The following AMBRA1 variants were observed in gnomAD, a reference collection of about 807,000 sequenced individuals.
AMBRA1 encodes the protein autophagy and beclin 1 regulator 1, also known as activating molecule in BECN1-regulated autophagy protein 1.
In AMBRA1, 47 loss-of-function variants were observed where a neutral mutation model predicts 125.4. That is an observed-to-expected ratio of 0.37 (90% CI 0.30 to 0.48). The LOEUF is 0.48. Ranked by LOEUF, AMBRA1 falls within the 20% of genes least tolerant of loss-of-function variation. The pLI, the probability that AMBRA1 is intolerant of heterozygous loss-of-function variation, is 0.99. For synonymous variants in AMBRA1, 626 were observed against 655.5 expected (o/e 0.95, Z 0.69); for missense variants, 1,331 against 1,693.4 (o/e 0.79, Z 3.76).
chr11:46,525,977 G>A (rs565666786), intron 7 of AMBRA1, among the ~76,000 whole-genome samples: 86 of 151,730 alleles, frequency 5.7e-4, no homozygotes, highest in African/African-American at 1.3e-3. Context: ...AGGTCAAGGC[G>A]GACAGATCAC....
chr11:46,468,642 C>CA (rs1357102453), intron 11 of AMBRA1, among the ~76,000 whole-genome samples: 6 of 149,100 alleles, frequency 4.0e-5, no homozygotes, highest in South Asian at 2.1e-4. Context: ...ACTAAAAATA[C>CA]AAAAAAATAC....
At chr11:46,519,315 T>C (rs1043544614) in intron 7 of AMBRA1, among the ~76,000 whole-genome samples, 15 of 152,166 alleles carry the variant, frequency 9.9e-5, no homozygotes, top group Admixed American at 9.2e-4. Flanking sequence ...TGCGCCACCA[T>C]GCCCGGCCCC....
intron 11 of AMBRA1, among the ~76,000 whole-genome samples, chr11:46,445,563 T>G (rs933250341): frequency 6.6e-6 from 1 of 152,230 alleles, no homozygotes; most frequent in Admixed American, 6.5e-5. Flanking sequence ...AAAGGAACTT[T>G]CTTGATTTTT....
intron 11 of AMBRA1, among the ~76,000 whole-genome samples, chr11:46,454,164 G>A (rs1948740415): frequency 1.3e-5 from 2 of 152,146 alleles, no homozygotes; most frequent in Admixed American, 1.3e-4. Flanking sequence ...AGTGTATGAG[G>A]AAAGGAAAAG....
rs553699137 is a variant in AMBRA1 at position 46,432,435 on chromosome 11, T to C, written c.2976+1039A>G. Among the ~76,000 whole-genome samples the C allele has an allele frequency of 2.0e-5, 3 of 152,250 alleles. No homozygotes were observed. The East Asian group carries it at 5.8e-4, about 29-fold the overall frequency. ...AGTGTAGTTGGACAGAGGATATCTG[T>C]AGGAGACAGGAGGGAGAAGAGGCTG... On this transcript the variant is annotated intron_variant, in intron 14 of 17. Transcript: ENST00000683756.
At chr11:46,483,727 C>A (rs1028088049) in intron 11 of AMBRA1, among the ~76,000 whole-genome samples, 1 of 152,058 alleles carries the variant, frequency 6.6e-6, no homozygotes, top group Non-Finnish European at 1.5e-5. Flanking sequence ...TGGTGAAACC[C>A]CATCTCTACT....
chr11:46,447,518 G>C (rs934910601), intron 11 of AMBRA1, among the ~76,000 whole-genome samples: 2 of 152,096 alleles, frequency 1.3e-5, no homozygotes, highest in Non-Finnish European at 2.9e-5. Flanking sequence ...CTGGGCAACA[G>C]AGCAAGATTC....
rs1945505246 is a variant in AMBRA1, at chr11:46,397,380, T to C, written c.*70A>G. The C allele has an allele frequency of 7.0e-7, 1 of 1,436,992 alleles. No homozygotes were observed. The highest frequency in any genetic ancestry group is 1.4e-5 in the African/African-American group (1 of 70,176). 89.0% of individuals were successfully genotyped at this position (1,436,992 alleles called of 1,614,324 possible). A position where few individuals can be genotyped will look rare whatever the true frequency, so the allele number is the denominator to read the frequency against. ...GCCAGCAGCTCTTCCACATGTCCAG[T>C]TCCCAGTCAGCTGTGAGGTCCGGTT... On this transcript the variant is annotated 3_prime_UTR_variant, in exon 18 of 18. Coordinates refer to ENST00000683756, the MANE Select transcript of AMBRA1 (RefSeq NM_001387011.1).
chr11:46,428,515 G>T, intron 14 of AMBRA1: 3 of 787,128 alleles, frequency 3.8e-6, no homozygotes, highest in Non-Finnish European at 4.1e-6. Context: ...CGCCTGGTGA[G>T]ATTCAAGTTC....
intron 1 of AMBRA1, among the ~76,000 whole-genome samples, chr11:46,581,808 A>C (rs1161585011): frequency 2.7e-5 from 4 of 150,068 alleles, no homozygotes. Context: ...AAAAAAAAAA[A>C]AAAAAAAAAA....
At chr11:46,485,818 TGAA>T (rs1950250478) in intron 11 of AMBRA1, among the ~76,000 whole-genome samples, 1 of 152,216 alleles carries the variant, frequency 6.6e-6, no homozygotes, top group Admixed American at 6.5e-5. Flanking sequence ...TAGAAAAGCC[TGAA>T]GAAGCACAGG....
intron 11 of AMBRA1, among the ~76,000 whole-genome samples, chr11:46,445,369 G>A (rs1948232418): frequency 6.6e-6 from 1 of 152,092 alleles, no homozygotes; most frequent in Non-Finnish European, 1.5e-5. Flanking sequence ...GCATTTGGGG[G>A]TGTGCTGTCA....
chr11:46,470,514 G>C (rs1029977170), intron 11 of AMBRA1, among the ~76,000 whole-genome samples: 7 of 151,188 alleles, frequency 4.6e-5, no homozygotes, highest in African/African-American at 1.7e-4. Flanking sequence ...GCGTGAACCC[G>C]GGAGGCAGAG....
intron 11 of AMBRA1, among the ~76,000 whole-genome samples, chr11:46,479,104 C>G (rs58147945): frequency 0.21 from 32,071 of 151,578 alleles, 4,065 homozygotes; most frequent in African/African-American, 0.36. Flanking sequence ...AGGCTGAGGC[C>G]GGGGAATCAC....
chr11:46,564,339 A>C (rs1006987769), intron 1 of AMBRA1, among the ~76,000 whole-genome samples: 1 of 152,104 alleles, frequency 6.6e-6, no homozygotes, highest in Non-Finnish European at 1.5e-5. Flanking sequence ...ATATTCATTG[A>C]ACATTTGCTA....
At chr11:46,548,222 G>A (rs201203187) in intron 2 of AMBRA1, 24 bp downstream of exon 2, 1 of 1,613,874 alleles carries the variant, frequency 6.2e-7, no homozygotes, top group African/African-American at 1.3e-5. Context: ...CAAATCCTAT[G>A]TGAAATATAG....
chr11:46,523,953 T>C (rs1951864324), intron 7 of AMBRA1, among the ~76,000 whole-genome samples: 2 of 152,118 alleles, frequency 1.3e-5, no homozygotes, highest in African/African-American at 4.8e-5. Flanking sequence ...ACCGCAACCT[T>C]CACCTCCTGG....
intron 1 of AMBRA1, among the ~76,000 whole-genome samples, chr11:46,585,151 A>C (rs1158230081): frequency 1.3e-5 from 2 of 152,078 alleles, no homozygotes; most frequent in African/African-American, 2.4e-5. Context: ...GCTTGAAGGC[A>C]GCATGCTCGT....
At chr11:46,458,617 G>A (rs1165122108) in intron 11 of AMBRA1, among the ~76,000 whole-genome samples, 2 of 152,078 alleles carry the variant, frequency 1.3e-5, no homozygotes, top group South Asian at 4.1e-4. Context: ...TTTTTTAAGA[G>A]ACAAGATCTT....
Sources: allele counts gnomAD v4.1 joint callset (sites outside exome capture counted in the v4.1 genomes callset), GRCh38; gene constraint gnomAD v4.1.1; transcripts MANE v1.5; gene names NCBI Gene and HGNC (gene_info 2026-07-23, HGNC 2026-07-21).